The following PCDH7 variants were observed in gnomAD, a reference collection of about 807,000 sequenced individuals.
The protein encoded by PCDH7 is protocadherin-7.
A neutral mutation model predicts 58.9 loss-of-function variants in PCDH7; 17 were observed. That is an observed-to-expected ratio of 0.29 (90% CI 0.20 to 0.43). PCDH7 has a LOEUF of 0.43. Among genes scored for constraint, PCDH7 ranks in the 20% least tolerant of loss-of-function variants. The probability of loss-of-function intolerance (pLI) is 1.00; values close to 1 mark genes in which losing one functional copy is unlikely to be tolerated. For synonymous variants in PCDH7, 664 were observed against 616.4 expected (o/e 1.08, Z -1.14); for missense variants, 1,274 against 1,441.0 (o/e 0.88, Z 1.88).
chr4:30,887,592 A>C (rs1737996569), intron 1 of PCDH7, among the ~76,000 whole-genome samples: 1 of 152,330 alleles, frequency 6.6e-6, no homozygotes, highest in East Asian at 1.9e-4. Flanking sequence ...ATTTCTTCTA[A>C]TTTTTAGAAC....
At chr4:30,797,267 T>TGTTTGGTTTG (rs554959778) in intron 1 of PCDH7, among the ~76,000 whole-genome samples, 1 of 151,058 alleles carries the variant, frequency 6.6e-6, no homozygotes, top group African/African-American at 2.4e-5. Flanking sequence ...TGTTTGGTTT[T>TGTTTGGTTTG]GTTTGGTTTG....
At chr4:30,927,133 A>C (rs1440270640) in intron 2 of PCDH7, among the ~76,000 whole-genome samples, 1 of 152,054 alleles carries the variant, frequency 6.6e-6, no homozygotes, top group Admixed American at 6.6e-5. Context: ...CAGACTCCCA[A>C]AGCTTTTGCT....
chr4:30,776,108 C>G (rs912323850), intron 1 of PCDH7: 3 of 152,070 alleles, frequency 2.0e-5, no homozygotes, highest in Non-Finnish European at 4.4e-5. Flanking sequence ...AATTTTATGA[C>G]CTTTGGTGAA....
chr4:31,087,773 A>G (rs1009774519), intron 3 of PCDH7, among the ~76,000 whole-genome samples: 2 of 152,108 alleles, frequency 1.3e-5, no homozygotes, highest in African/African-American at 2.4e-5. Flanking sequence ...ATTACATTAA[A>G]ACATTTTATT....
intron 1 of PCDH7, among the ~76,000 whole-genome samples, chr4:30,741,604 A>T (rs1432153661): frequency 6.6e-6 from 1 of 152,204 alleles, no homozygotes; most frequent in African/African-American, 2.4e-5. Context: ...CCAATGCCCA[A>T]CATATAACCT....
chr4:30,868,929 A>G (rs181194840), intron 1 of PCDH7: 3 of 152,252 alleles, frequency 2.0e-5, no homozygotes, highest in East Asian at 3.9e-4. Context: ...GTTCAACCAT[A>G]TGAAAAAGAA....
Position 30,943,543 on chromosome 4 carries a change from A to G in PCDH7, c.288-6577A>G, listed in dbSNP as rs542804579. ...CATGTTCTTCCCATTACATCATGCT[A>G]TATCTAGCCATGCCTTTCTTTCATC... On this transcript the variant is annotated intron_variant, in intron 2 of 3. Coordinates refer to the PCDH7 transcript ENST00000509759. 1.2e-4 allele frequency among the ~76,000 whole-genome samples: 18 copies of G among 152,072 alleles called. No individual in the cohort carries two copies. The South Asian group carries it at 1.5e-3, about 12-fold the overall frequency.
chr4:31,127,983 CTATATGTGTGTGCATA>C, intron 3 of PCDH7, among the ~76,000 whole-genome samples: 1 of 151,202 alleles, frequency 6.6e-6, no homozygotes, highest in Admixed American at 6.6e-5. Context: ...GATCAAGTAC[CTATATGTGTGTGCATA>C]TATATGTGTG....
At chr4:31,131,073 G>A (rs1560253533) in intron 3 of PCDH7, among the ~76,000 whole-genome samples, 1 of 152,124 alleles carries the variant, frequency 6.6e-6, no homozygotes, top group Non-Finnish European at 1.5e-5. Flanking sequence ...AAGAGTGAAT[G>A]CGCAGAGCAG....
In PCDH7 at chr4:30,964,239, TTTA is replaced by T. The variant is rs201966939; in HGVS notation, c.*7+14027_*7+14029del. On this transcript the variant is annotated intron_variant, in intron 3 of 3. Coordinates refer to the PCDH7 transcript ENST00000509759. ...AGTAGTAGTTTTATTTATTTATTTA[TTTA>T]TTTATTTATTTTTTTTTGAGATGAA... Among the ~76,000 whole-genome samples the T allele has an allele frequency of 1.8e-3, 85 of 47,198 alleles. 2 individuals carry two copies. Among genetic ancestry groups the T allele is most frequent in the East Asian group, 5.4e-3 (8 of 1,484 alleles). 31.0% of individuals were successfully genotyped at this position (47,198 alleles called of 152,430 possible).
At chr4:30,788,878 TA>T (rs1338802090) in intron 1 of PCDH7, among the ~76,000 whole-genome samples, 1 of 152,176 alleles carries the variant, frequency 6.6e-6, no homozygotes, top group Non-Finnish European at 1.5e-5. Flanking sequence ...CTATCATTTT[TA>T]AGACAATTTT....
chr4:31,005,027 T>A (rs924426915), intron 3 of PCDH7, among the ~76,000 whole-genome samples: 8 of 152,210 alleles, frequency 5.3e-5, no homozygotes, highest in Non-Finnish European at 8.8e-5. Flanking sequence ...GAAATAGTAC[T>A]TCTGTAAAAT....
At chr4:31,129,752 C>A (rs1025816594) in intron 3 of PCDH7, among the ~76,000 whole-genome samples, 1 of 152,058 alleles carries the variant, frequency 6.6e-6, no homozygotes, top group Non-Finnish European at 1.5e-5. Context: ...CCGGCCTCGG[C>A]CTCCTGAGTA....
chr4:31,048,671 A>G (rs971638512), intron 3 of PCDH7, among the ~76,000 whole-genome samples: 1 of 152,004 alleles, frequency 6.6e-6, no homozygotes, highest in African/African-American at 2.4e-5. Flanking sequence ...TATGCCAGAT[A>G]CTCAGCTTTT....
intron 1 of PCDH7, among the ~76,000 whole-genome samples, chr4:30,916,278 ATCT>A (rs1464261372): frequency 6.6e-6 from 1 of 152,158 alleles, no homozygotes; most frequent in East Asian, 1.9e-4. Flanking sequence ...TTCTAGCATA[ATCT>A]TCTGCCTTCA....
chr4:30,845,569 A>G (rs981670948), intron 1 of PCDH7, among the ~76,000 whole-genome samples: 1 of 152,120 alleles, frequency 6.6e-6, no homozygotes, highest in African/African-American at 2.4e-5. Flanking sequence ...GTTACAACGC[A>G]ATAGGAAATA....
chr4:30,903,873 A>G (rs1740546538), intron 1 of PCDH7, among the ~76,000 whole-genome samples: 1 of 152,172 alleles, frequency 6.6e-6, no homozygotes. Context: ...TTAAAAGGAT[A>G]CTACATGTAA....
intron 3 of PCDH7, among the ~76,000 whole-genome samples, chr4:31,045,516 G>A (rs1756209511): frequency 6.6e-6 from 1 of 152,002 alleles, no homozygotes; most frequent in Admixed American, 6.6e-5. Flanking sequence ...GTCATAACAT[G>A]ATAAGCAGAA....
In PCDH7 at chr4:31,038,465, C is replaced by T. The variant is rs1201280449; in HGVS notation, c.*7+88250C>T. ...TAAGCAAAATAAATACAAAGGTAGC[C>T]AGAGGACTATTTGAGATGGAATAAG... is the stretch of plus-strand genomic sequence containing the variant. On this transcript the variant is annotated intron_variant, in intron 3 of 3. Coordinates refer to the PCDH7 transcript ENST00000509759. Among the ~76,000 whole-genome samples, 4 of 151,828 alleles carry T rather than the reference C, an allele frequency of 2.6e-5. No individual in the cohort carries two copies. In the South Asian group the frequency reaches 8.3e-4, roughly 32 times the overall value.
Sources: gnomAD v4.1 joint callset for allele counts (sites outside exome capture counted in the v4.1 genomes callset) on GRCh38, gnomAD v4.1.1 for gene constraint, MANE v1.5 for transcripts, NCBI Gene and HGNC (gene_info 2026-07-23, HGNC 2026-07-21) for gene names.